The following TENM2 variants were observed in gnomAD, a reference collection of about 807,000 sequenced individuals.
TENM2 encodes the protein teneurin-2.
A neutral mutation model predicts 245.2 loss-of-function variants in TENM2; 52 were observed. The observed-to-expected ratio is 0.21, with a 90% CI of 0.17 to 0.27. TENM2 has a LOEUF of 0.27. TENM2 is among the 10% of genes least tolerant of loss of function. TENM2 has a pLI of 1.00. For missense variants in TENM2, 3,046 were observed against 3,666.8 expected, an observed-to-expected ratio of 0.83 and a Z score of 4.37; for synonymous variants, 1,363 against 1,438.9, an observed-to-expected ratio of 0.95 and a Z score of 1.19.
At chr5:167,412,531 T>C (rs1305096332) in intron 2 of TENM2, among the ~76,000 whole-genome samples, 2 of 152,062 alleles carry the variant, frequency 1.3e-5, no homozygotes, top group African/African-American at 4.8e-5. Flanking sequence ...TGTGTGCAAC[T>C]TTTTTTGCCG....
the TENM2 span, among the ~76,000 whole-genome samples, chr5:167,253,970 A>G: frequency 2.6e-4 from 39 of 152,160 alleles, no homozygotes; most frequent in African/African-American, 8.9e-4. Context: ...ATAAGTGCGT[A>G]TAAGCCTTAC....
chr5:167,361,006 A>G (rs1759679643), intron 1 of TENM2, among the ~76,000 whole-genome samples: 2 of 152,182 alleles, frequency 1.3e-5, no homozygotes. Flanking sequence ...CTTTTGCTCC[A>G]TAACTTTAGC....
intron 12 of TENM2, among the ~76,000 whole-genome samples, chr5:168,158,271 C>T (rs781320008): frequency 2.2e-4 from 33 of 152,162 alleles, no homozygotes; most frequent in Admixed American, 1.6e-3. Flanking sequence ...ATATCACTGG[C>T]GTCCTTAAAA....
chr5:167,005,237 G>A, the TENM2 span, among the ~76,000 whole-genome samples: 2 of 152,086 alleles, frequency 1.3e-5, no homozygotes, highest in African/African-American at 4.8e-5. Context: ...AAGATTTCTT[G>A]AAAGTTGGGA....
intron 2 of TENM2, among the ~76,000 whole-genome samples, chr5:167,623,796 T>G (rs1010134839): frequency 6.6e-6 from 1 of 152,198 alleles, no homozygotes; most frequent in Non-Finnish European, 1.5e-5. Context: ...TTTCCCATTA[T>G]AGTAAAATGA....
the TENM2 span, among the ~76,000 whole-genome samples, chr5:167,052,147 A>G: frequency 3.2e-4 from 49 of 152,302 alleles, 1 homozygote; most frequent in South Asian, 9.5e-3. Flanking sequence ...TATTCCTTTT[A>G]TAATCATAAA....
intron 13 of TENM2, among the ~76,000 whole-genome samples, chr5:168,163,165 G>A (rs1228659978): frequency 6.6e-6 from 1 of 152,210 alleles, no homozygotes; most frequent in African/African-American, 2.4e-5. Context: ...CCTTTGAGAT[G>A]TCACTCTACA....
At chr5:167,639,850 T>G (rs1206755780) in intron 2 of TENM2, among the ~76,000 whole-genome samples, 1 of 152,216 alleles carries the variant, frequency 6.6e-6, no homozygotes, top group Non-Finnish European at 1.5e-5. Flanking sequence ...GGTAAATTCT[T>G]AATGAATATT....
intron 27 of TENM2, among the ~76,000 whole-genome samples, chr5:168,255,583 G>T (rs931446310): frequency 2.0e-5 from 3 of 152,116 alleles, no homozygotes; most frequent in African/African-American, 7.2e-5. Context: ...GGGATTACAG[G>T]CATGAGCCAC....
the TENM2 span, among the ~76,000 whole-genome samples, chr5:167,031,226 A>G: frequency 3.3e-5 from 5 of 152,230 alleles, no homozygotes; most frequent in Non-Finnish European, 1.5e-5. Context: ...ACTTCATGGG[A>G]ACATTCATTA....
At chr5:168,188,675 A>G (rs1366574525) in intron 13 of TENM2, among the ~76,000 whole-genome samples, 1 of 152,220 alleles carries the variant, frequency 6.6e-6, no homozygotes, top group South Asian at 2.1e-4. Context: ...GAGGTCATTA[A>G]TTCTACTATA....
intron 1 of TENM2, among the ~76,000 whole-genome samples, chr5:167,368,288 A>AT (rs949889486): frequency 5.3e-5 from 8 of 151,818 alleles, no homozygotes; most frequent in Middle Eastern, 6.8e-3. Flanking sequence ...AATGATGCAT[A>AT]TTTTTTTTCA....
At chr5:167,905,118 C>T (rs903928132) in intron 3 of TENM2, among the ~76,000 whole-genome samples, 3 of 152,008 alleles carry the variant, frequency 2.0e-5, no homozygotes, top group Non-Finnish European at 2.9e-5. Context: ...ATTACTAGGG[C>T]GGTTGTATGT....
the TENM2 span, among the ~76,000 whole-genome samples, chr5:167,072,045 G>A: frequency 1.4e-4 from 22 of 152,028 alleles, no homozygotes; most frequent in Admixed American, 1.4e-3. Flanking sequence ...TGTAAGGAGG[G>A]TGTCTAGGAA....
At chr5:167,123,933 C>T in the TENM2 span, among the ~76,000 whole-genome samples, 5 of 152,230 alleles carry the variant, frequency 3.3e-5, no homozygotes, top group Non-Finnish European at 1.5e-5. Context: ...CTTTAAAGAA[C>T]TTCTAACTCT....
chr5:167,804,454 T>C (rs1003167013), intron 2 of TENM2, among the ~76,000 whole-genome samples: 2 of 152,126 alleles, frequency 1.3e-5, no homozygotes, highest in Admixed American at 6.6e-5. Flanking sequence ...TGTCCTAAAC[T>C]AGTTATTAAG....
At chr5:167,070,133 T>TTTATTTATTTA in the TENM2 span, among the ~76,000 whole-genome samples, 697 of 147,860 alleles carry the variant, frequency 4.7e-3, 7 homozygotes, top group African/African-American at 0.01. Context: ...TTATTTATTT[T>TTTATTTATTTA]TTGAGACAGA....
intron 2 of TENM2, among the ~76,000 whole-genome samples, chr5:167,609,799 A>G (rs1433309897): frequency 6.6e-6 from 1 of 152,124 alleles, no homozygotes; most frequent in Non-Finnish European, 1.5e-5. Flanking sequence ...TCAACACGGA[A>G]TACTTAACTT....
chr5:167,352,620 C>T (rs1412545271), intron 1 of TENM2, among the ~76,000 whole-genome samples: 1 of 152,130 alleles, frequency 6.6e-6, no homozygotes, highest in East Asian at 1.9e-4. Context: ...AATTAATTTA[C>T]GTAGTGATTT....
Sources: allele counts gnomAD v4.1 joint callset (sites outside exome capture counted in the v4.1 genomes callset), GRCh38; gene constraint gnomAD v4.1.1; transcripts MANE v1.5; gene names NCBI Gene and HGNC (gene_info 2026-07-23, HGNC 2026-07-21).